The following KRT8 variants were observed in gnomAD, a reference collection of about 807,000 sequenced individuals.
The protein encoded by KRT8 is keratin, type II cytoskeletal 8.
KRT8 carries 24 observed loss-of-function variants against 43.0 expected under a neutral mutation model. The observed-to-expected ratio is 0.56, with a 90% CI of 0.40 to 0.78. KRT8 has a LOEUF of 0.78. KRT8 is among the 30% of genes least tolerant of loss of function. The pLI is 0.00. For synonymous variants in KRT8, 214 were observed against 261.2 expected, an observed-to-expected ratio of 0.82 and a Z score of 1.74; for missense variants, 492 against 638.4, an observed-to-expected ratio of 0.77 and a Z score of 2.47.
At chr12:52,947,520 G>T (rs1942365776) in intron 2 of KRT8, 1 of 151,984 alleles carries the variant, frequency 6.6e-6, no homozygotes, top group Non-Finnish European at 1.5e-5. Context: ...CGCTCTGGTT[G>T]CCCAGGCTGG....
At chr12:52,898,626 C>T (rs1941276917) in intron 6 of KRT8, 53 bp downstream of exon 6, 1 of 1,612,574 alleles carries the variant, frequency 6.2e-7, no homozygotes. Flanking sequence ...ACCGTCCCCA[C>T]CCCAGGTCCC....
intron 7 of KRT8, among the ~76,000 whole-genome samples, 158 bp downstream of exon 7, chr12:52,898,303 G>A (rs1203427890): frequency 1.3e-5 from 2 of 152,266 alleles, no homozygotes; most frequent in East Asian, 1.9e-4. Flanking sequence ...GTTATTACTG[G>A]GGTCCTGAAT....
exon 3 of KRT8, chr12:52,901,167 T>G (rs1365659231): frequency 1.2e-6 from 2 of 1,609,724 alleles, no homozygotes; most frequent in East Asian, 4.5e-5. Flanking sequence ...ACCTTCTTGA[T>G]GAGGACAAAT....
chr12:52,939,089 A>G (rs1693288261), intron 2 of KRT8, among the ~76,000 whole-genome samples: 1 of 152,186 alleles, frequency 6.6e-6, no homozygotes, highest in African/African-American at 2.4e-5. Context: ...TGTATCTTAA[A>G]AAAAAGTAAA....
At chr12:52,926,502 C>A in intron 2 of KRT8, 1 of 1,524,070 alleles carries the variant, frequency 6.6e-7, no homozygotes, top group Non-Finnish European at 8.8e-7. Flanking sequence ...CCCCACAAAG[C>A]CTGCCCCAGT....
At chr12:52,926,511 G>A in intron 2 of KRT8, 2 of 1,506,952 alleles carry the variant, frequency 1.3e-6, no homozygotes, top group Non-Finnish European at 1.8e-6. Context: ...GCCTGCCCCA[G>A]TCACCTCTGC....
chr12:52,902,931 G>A (rs959613685), intron 1 of KRT8, among the ~76,000 whole-genome samples: 25 of 152,054 alleles, frequency 1.6e-4, no homozygotes, highest in Admixed American at 1.3e-4. Context: ...AGAATCGCTT[G>A]AACCCAGGAA....
intron 2 of KRT8, among the ~76,000 whole-genome samples, chr12:52,939,599 G>A (rs935132589): frequency 3.3e-5 from 5 of 152,000 alleles, no homozygotes; most frequent in South Asian, 2.1e-4. Flanking sequence ...GCGTATACCC[G>A]CGATTCCAGC....
chr12:52,897,873 G>T (rs753455047), intron 7 of KRT8, among the ~76,000 whole-genome samples: 5 of 152,164 alleles, frequency 3.3e-5, no homozygotes, highest in Non-Finnish European at 7.3e-5. Flanking sequence ...AACTGAAGAC[G>T]TTTACAGGTG....
At chr12:52,903,323 C>T (rs1941422359) in intron 1 of KRT8, among the ~76,000 whole-genome samples, 1 of 152,156 alleles carries the variant, frequency 6.6e-6, no homozygotes. Context: ...AACCAGGAAC[C>T]GGCAGAGCAG....
intron 2 of KRT8, among the ~76,000 whole-genome samples, chr12:52,926,047 C>G (rs552442040): frequency 6.6e-6 from 1 of 152,162 alleles, no homozygotes; most frequent in Admixed American, 6.5e-5. Flanking sequence ...CAGGCTGGTG[C>G]GAGAGGCCCC....
At chr12:52,918,989 CA>C (rs1941832031) in intron 2 of KRT8, among the ~76,000 whole-genome samples, 1 of 152,146 alleles carries the variant, frequency 6.6e-6, no homozygotes, top group Admixed American at 6.5e-5. Flanking sequence ...AGTGCTAGCT[CA>C]GCAGGGTGGA....
At position 52,913,316 on chromosome 12, in the gene KRT8, T is replaced by C. The variant is rs1453605542; in HGVS notation, c.-46-8289A>G. Reference sequence around the variant, plus strand: ...CACACCTGTCAGTTTCCTCCTCTGATATTGCAGGGTGGCCCTAACCTGATT... The same window carrying C: ...CACACCTGTCAGTTTCCTCCTCTGACATTGCAGGGTGGCCCTAACCTGATT... On this transcript the variant is annotated intron_variant, in intron 2 of 6. Transcript: ENST00000546826. Among the ~76,000 whole-genome samples, 2 of 152,278 alleles carry C rather than the reference T, an allele frequency of 1.3e-5. 1 individual carries two copies. The highest frequency in any genetic ancestry group is 1.3e-4 in the Admixed American group (2 of 15,304).
upstream of KRT8, chr12:52,905,083 TTATAA>T: frequency 6.7e-7 from 1 of 1,482,238 alleles, no homozygotes; most frequent in Non-Finnish European, 8.9e-7. Flanking sequence ...GAATGGCCTT[TTATAA>T]AAGAGATCCC....
At chr12:52,901,544 G>T in intron 2 of KRT8, 1 of 554,952 alleles carries the variant, frequency 1.8e-6, no homozygotes, top group Non-Finnish European at 3.2e-6. Flanking sequence ...ACTAAAGAGG[G>T]GCCAGAATGT....
At chr12:52,898,567 G>C (rs1175018623) in intron 6 of KRT8, 48 bp from the exon 7 acceptor site, 11 of 1,612,226 alleles carry the variant, frequency 6.8e-6, no homozygotes, top group Non-Finnish European at 9.3e-6. Context: ...AGCCCTTCTT[G>C]GCCCAGAACA....
upstream of KRT8, among the ~76,000 whole-genome samples, chr12:52,910,249 C>G (rs1261520278): frequency 2.0e-5 from 3 of 152,152 alleles, no homozygotes; most frequent in Non-Finnish European, 2.9e-5. Flanking sequence ...GAGATTATAA[C>G]AGTATACGTG....
In KRT8 at chr12:52,915,236, G is replaced by C. The variant is rs1033781385; in HGVS notation, c.-46-10209C>G. ...AAGATACAAAAAATTAGCCGGGCGA[G>C]GTGGCGGGCACCTGTAGTCCCAGCT... On this transcript the variant is annotated intron_variant, in intron 2 of 6. Coordinates refer to the KRT8 transcript ENST00000546826. Among the ~76,000 whole-genome samples, 23 of 152,132 alleles carry C rather than the reference G, an allele frequency of 1.5e-4. 1 individual carries two copies. In the East Asian group the frequency reaches 4.1e-3, roughly 27 times the overall value.
chr12:52,925,500 TC>T (rs1941971995), intron 2 of KRT8, among the ~76,000 whole-genome samples: 1 of 152,202 alleles, frequency 6.6e-6, no homozygotes, highest in Middle Eastern at 3.4e-3. Context: ...CCTGCAGGTA[TC>T]CCCCTCCGTC....
Sources: gnomAD v4.1 joint callset for allele counts (sites outside exome capture counted in the v4.1 genomes callset) on GRCh38, gnomAD v4.1.1 for gene constraint, MANE v1.5 for transcripts, NCBI Gene and HGNC (gene_info 2026-07-23, HGNC 2026-07-21) for gene names.